CSMD1: variants seen among roughly 807,000 people sequenced by gnomAD.
CSMD1 encodes the protein CUB and Sushi multiple domains 1.
In CSMD1, 213 loss-of-function variants were observed where a neutral mutation model predicts 417.5. That is an observed-to-expected ratio of 0.51 (90% CI 0.46 to 0.57). The LOEUF is 0.57. Ranked by LOEUF, CSMD1 falls within the 20% of genes least tolerant of loss-of-function variation. CSMD1 has a pLI of 0.00. For synonymous variants in CSMD1, 2,862 were observed against 1,736.8 expected (o/e 1.65, Z -16.11); for missense variants, 6,923 against 4,529.7 (o/e 1.53, Z -15.17).
intron 50 of CSMD1, among the ~76,000 whole-genome samples, chr8:3,036,936 G>C (rs1418770820): frequency 6.6e-6 from 1 of 152,146 alleles, no homozygotes; most frequent in Admixed American, 6.5e-5. Context: ...AGTGTGCACT[G>C]TATCCAATAT....
intron 1 of CSMD1, among the ~76,000 whole-genome samples, chr8:4,985,478 G>A (rs1242371451): frequency 1.3e-5 from 2 of 152,178 alleles, no homozygotes; most frequent in African/African-American, 4.8e-5. Flanking sequence ...TTCTTTAGGT[G>A]AGCAAAATTA....
At chr8:4,337,087 G>T (rs900901803) in intron 3 of CSMD1, among the ~76,000 whole-genome samples, 1 of 152,076 alleles carries the variant, frequency 6.6e-6, no homozygotes, top group Non-Finnish European at 1.5e-5. Flanking sequence ...CCAGAGGGTT[G>T]CCAACGTTGC....
intron 10 of CSMD1, among the ~76,000 whole-genome samples, chr8:3,564,967 G>T (rs926614438): frequency 1.3e-5 from 2 of 150,030 alleles, no homozygotes; most frequent in African/African-American, 4.9e-5. Context: ...GATTAATGAT[G>T]AATAGCTAAG....
intron 3 of CSMD1, among the ~76,000 whole-genome samples, chr8:4,161,815 A>G (rs540814906): frequency 4.6e-5 from 7 of 152,310 alleles, no homozygotes; most frequent in African/African-American, 1.7e-4. Context: ...ATTTTTTCAT[A>G]ATCTGCTATA....
intron 3 of CSMD1, among the ~76,000 whole-genome samples, chr8:4,234,654 T>A (rs939306322): frequency 4.6e-5 from 7 of 152,168 alleles, no homozygotes; most frequent in African/African-American, 1.7e-4. Context: ...ACCTGACGAA[T>A]AGATGGCAGG....
intron 5 of CSMD1, among the ~76,000 whole-genome samples, chr8:3,798,371 T>C (rs778672102): frequency 3.3e-5 from 5 of 152,076 alleles, no homozygotes; most frequent in Non-Finnish European, 7.4e-5. Context: ...CATTAGCCTC[T>C]AGTTTTTTAA....
chr8:3,883,096 C>T (rs1180316927), intron 5 of CSMD1, among the ~76,000 whole-genome samples: 2 of 152,078 alleles, frequency 1.3e-5, no homozygotes, highest in African/African-American at 4.8e-5. Flanking sequence ...CTAAGAATTC[C>T]CTAAGAATCC....
At chr8:4,320,166 T>C (rs888432334) in intron 3 of CSMD1, among the ~76,000 whole-genome samples, 3 of 152,094 alleles carry the variant, frequency 2.0e-5, no homozygotes, top group African/African-American at 7.2e-5. Flanking sequence ...TTTAGAGAAA[T>C]GCAAAAATAT....
At chr8:4,299,626 C>T (rs1218051847) in intron 3 of CSMD1, among the ~76,000 whole-genome samples, 1 of 152,046 alleles carries the variant, frequency 6.6e-6, no homozygotes, top group African/African-American at 2.4e-5. Flanking sequence ...TATCATATAT[C>T]ATACACTATC....
chr8:3,428,453 A>G (rs1406520187), intron 12 of CSMD1, among the ~76,000 whole-genome samples: 1 of 152,218 alleles, frequency 6.6e-6, no homozygotes, highest in Non-Finnish European at 1.5e-5. Flanking sequence ...AAATCACCCC[A>G]AACTGTTTAT....
At position 4,209,916 on chromosome 8, in the gene CSMD1, C is replaced by T. The variant is rs541432007; in HGVS notation, c.416-177817G>A. On this transcript the variant is annotated intron_variant, in intron 3 of 69. Transcript: ENST00000635120. ...GTTGACAGGTGGTCTCCATGGAAAG[C>T]GGTGACCACGTCTGGGTGTTGCTAT... Among the ~76,000 whole-genome samples, 156 of 152,212 alleles carry T rather than the reference C, an allele frequency of 1.0e-3. 6 individuals carry two copies. The South Asian group carries it at 0.012, about 12-fold the overall frequency.
chr8:3,231,141 G>A (rs1798811804), intron 26 of CSMD1, among the ~76,000 whole-genome samples: 1 of 152,108 alleles, frequency 6.6e-6, no homozygotes, highest in Non-Finnish European at 1.5e-5. Flanking sequence ...TCAAGAAATA[G>A]CAGTTGTTTT....
At chr8:3,543,529 C>T (rs906218684) in intron 10 of CSMD1, among the ~76,000 whole-genome samples, 2 of 151,682 alleles carry the variant, frequency 1.3e-5, no homozygotes, top group Non-Finnish European at 2.9e-5. Flanking sequence ...TGGCTGGATC[C>T]CCAACATGAT....
chr8:4,923,896 T>A (rs184914171), intron 1 of CSMD1, among the ~76,000 whole-genome samples: 1 of 152,346 alleles, frequency 6.6e-6, no homozygotes. Flanking sequence ...TTTATCTGTA[T>A]AGGTTTCTTT....
Position 3,188,974 on chromosome 8 carries a change from T to A in CSMD1, c.5436A>T (p.Thr1812=). The A allele has an allele frequency of 6.2e-7, 1 of 1,613,520 alleles. No individual in the cohort carries two copies. The highest frequency in any genetic ancestry group is 8.5e-7 in the Non-Finnish European group (1 of 1,179,660). The change falls in exon 35 of 70, where the codon ACA becomes ACT. Residue 1812 remains threonine, a synonymous_variant. Transcript: ENST00000635120. ...CSGNFTQRRG[T]ILSPGYPEPY... is the part of the protein sequence containing the mutation. ...GCTCAGGGTAGCCGGGGGACAGGAT[T>A]GTACCTCTTCGTTGAGTGAAATTGC...
intron 3 of CSMD1, among the ~76,000 whole-genome samples, chr8:4,377,750 T>C (rs1226658902): frequency 6.6e-6 from 1 of 152,320 alleles, no homozygotes; most frequent in South Asian, 2.1e-4. Context: ...TAACAACTAT[T>C]AGGCTATCAG....
intron 3 of CSMD1, among the ~76,000 whole-genome samples, chr8:4,281,888 C>T (rs1483668945): frequency 6.6e-6 from 1 of 152,122 alleles, no homozygotes; most frequent in South Asian, 2.1e-4. Context: ...AATGACAAGG[C>T]AAAGGCTTAT....
At position 4,554,790 on chromosome 8, in the gene CSMD1, A is replaced by T. The variant is rs1798016886; in HGVS notation, c.302+82552T>A. Among the ~76,000 whole-genome samples, 3 of 152,226 alleles carry T rather than the reference A, an allele frequency of 2.0e-5. No individual in the cohort carries two copies. The South Asian group carries it at 6.2e-4, about 31-fold the overall frequency. ...TGGCCAGGGAAACCCATGAGCCAGC[A>T]GCGTCCGTCCCTGTTGAGGCAGTCC... On this transcript the variant is annotated intron_variant, in intron 2 of 69. Coordinates refer to ENST00000635120, the MANE Select transcript of CSMD1 (RefSeq NM_033225.6).
At chr8:4,395,527 C>A (rs1380603961) in intron 3 of CSMD1, among the ~76,000 whole-genome samples, 3 of 150,568 alleles carry the variant, frequency 2.0e-5, no homozygotes, top group South Asian at 2.1e-4. Flanking sequence ...TCCCCACCTA[C>A]TGTTTTTTTT....
Sources: gnomAD v4.1 joint callset for allele counts (sites outside exome capture counted in the v4.1 genomes callset) on GRCh38, gnomAD v4.1.1 for gene constraint, MANE v1.5 for transcripts, NCBI Gene and HGNC (gene_info 2026-07-23, HGNC 2026-07-21) for gene names.